The following PAM variants were observed in gnomAD, a reference collection of about 807,000 sequenced individuals.
The protein encoded by PAM is peptidylglycine alpha-amidating monooxygenase, also known as peptidyl-glycine alpha-amidating monooxygenase.
A neutral mutation model predicts 122.1 loss-of-function variants in PAM; 72 were observed. That is an observed-to-expected ratio of 0.59 (90% confidence interval 0.49 to 0.72). The LOEUF is 0.72. Ranked by LOEUF, PAM falls within the 30% of genes least tolerant of loss-of-function variation. PAM has a pLI of 0.00. For synonymous variants in PAM, 389 were observed against 404.4 expected (o/e 0.96, Z 0.46); for missense variants, 1,106 against 1,183.7 (o/e 0.93, Z 0.96).
At chr5:102,794,917 C>T (rs79516408) in intron 1 of PAM, among the ~76,000 whole-genome samples, 5 of 151,546 alleles carry the variant, frequency 3.3e-5, no homozygotes, top group East Asian at 2.0e-4. Flanking sequence ...GGGCCAGGTG[C>T]GGTGGCTCAC....
At position 102,867,343 on chromosome 5, in the gene PAM, T is replaced by C. The variant is rs200066052; in HGVS notation, c.160T>C (p.Ser54Pro). The part of the protein sequence containing the change: ...GTTRPVVPID[S>P]SDFALDIRMP... Reference sequence around the variant, plus strand: ...CACCAGACCCGTAGTTCCTATTGATTCATCAGATTTTGCATTGGATATTCG... The same window carrying C: ...CACCAGACCCGTAGTTCCTATTGATCCATCAGATTTTGCATTGGATATTCG... Residue 54 changes from serine to proline, a missense_variant, in exon 3 of 26, where the codon TCA (serine) becomes CCA (proline). Coordinates refer to ENST00000438793, the MANE Select transcript of PAM (RefSeq NM_001177306.2). 9.5e-5 allele frequency: 153 copies of C among 1,606,946 alleles called. No homozygotes were observed. Among genetic ancestry groups the C allele is most frequent in the Non-Finnish European group, 1.3e-4 (149 of 1,173,690 alleles).
chr5:102,992,056 G>A (rs1473786023), intron 16 of PAM, among the ~76,000 whole-genome samples: 2 of 152,076 alleles, frequency 1.3e-5, no homozygotes, highest in Non-Finnish European at 2.9e-5. Context: ...TAGAAAAAGG[G>A]ATCTGTGAAG....
intron 5 of PAM, among the ~76,000 whole-genome samples, chr5:102,914,539 T>G (rs1292352021): frequency 6.6e-6 from 1 of 152,084 alleles, no homozygotes; most frequent in Non-Finnish European, 1.5e-5. Flanking sequence ...ATATTAATTT[T>G]TTAAGGTTCA....
At chr5:102,820,099 A>G (rs1462562679) in intron 1 of PAM, among the ~76,000 whole-genome samples, 3 of 152,228 alleles carry the variant, frequency 2.0e-5, no homozygotes, top group African/African-American at 7.2e-5. Context: ...TAAAAAATTC[A>G]TGACTCCTTT....
intron 4 of PAM, among the ~76,000 whole-genome samples, chr5:102,905,515 T>C (rs1035029534): frequency 1.3e-5 from 2 of 151,722 alleles, no homozygotes; most frequent in African/African-American, 4.8e-5. Context: ...ATGACCTTTC[T>C]TAAAGCACAT....
chr5:102,926,845 A>G (rs971028299), intron 7 of PAM, among the ~76,000 whole-genome samples, 177 bp downstream of exon 7: 7 of 152,038 alleles, frequency 4.6e-5, no homozygotes, highest in African/African-American at 1.7e-4. Context: ...TTATTTTAGA[A>G]GTCATTTCTG....
At position 102,803,248 on chromosome 5, in the gene PAM, C is replaced by T. The variant is rs111856820; in HGVS notation, c.-374+47900C>T. Among the ~76,000 whole-genome samples the T allele has an allele frequency of 2.1e-3, 323 of 151,722 alleles. 1 individual carries two copies. The highest frequency in any genetic ancestry group is 7.3e-3 in the African/African-American group (304 of 41,376). On this transcript the variant is annotated intron_variant, in intron 1 of 25. Coordinates refer to ENST00000438793, the MANE Select transcript of PAM (RefSeq NM_001177306.2). ...AAGGAAGGAAGGGAAAAGTAATGCA[C>T]TCAACTTGAATCACCAAAGCAGTCA...
intron 4 of PAM, among the ~76,000 whole-genome samples, chr5:102,902,137 C>T (rs139485950): frequency 6.6e-6 from 1 of 151,710 alleles, no homozygotes; most frequent in African/African-American, 2.4e-5. Context: ...CATTTTAAAA[C>T]ATTTGAGATG....
At chr5:102,820,048 G>T (rs1454998679) in intron 1 of PAM, among the ~76,000 whole-genome samples, 2 of 151,904 alleles carry the variant, frequency 1.3e-5, no homozygotes, top group Admixed American at 6.6e-5. Flanking sequence ...TATCACTGTT[G>T]GTTTGCAATT....
intron 3 of PAM, among the ~76,000 whole-genome samples, chr5:102,870,720 G>T (rs1451029229): frequency 3.9e-5 from 6 of 152,192 alleles, no homozygotes; most frequent in African/African-American, 1.2e-4. Context: ...CCTTTGGGAA[G>T]ATTAGAGAGA....
At chr5:102,802,198 T>A (rs919837490) in intron 1 of PAM, among the ~76,000 whole-genome samples, 2 of 152,226 alleles carry the variant, frequency 1.3e-5, no homozygotes, top group Non-Finnish European at 2.9e-5. Context: ...TTGGGACTTA[T>A]AATCAAAATT....
intron 16 of PAM, among the ~76,000 whole-genome samples, chr5:103,001,543 T>G (rs1354809018): frequency 1.3e-5 from 2 of 152,144 alleles, no homozygotes; most frequent in Admixed American, 1.3e-4. Flanking sequence ...AGTTTTAGAT[T>G]GACAAAGCTG....
chr5:102,795,189 C>CAAAAAAAAAAAAAAAAAAA (rs33988105), intron 1 of PAM, among the ~76,000 whole-genome samples: 19 of 59,650 alleles, frequency 3.2e-4, no homozygotes, highest in East Asian at 2.0e-3. Flanking sequence ...GACAATGTCT[C>CAAAAAAAAAAAAAAAAAAA]AAAAAAAAAA....
intron 17 of PAM, 119 bp from the exon 18 acceptor site, chr5:103,005,035 C>A: frequency 3.2e-6 from 2 of 623,392 alleles, no homozygotes; most frequent in East Asian, 2.8e-5. Context: ...TATAATAATG[C>A]AAGTATACAT....
At chr5:102,779,959 C>A (rs1203061228) in intron 1 of PAM, among the ~76,000 whole-genome samples, 1 of 138,956 alleles carries the variant, frequency 7.2e-6, no homozygotes. Flanking sequence ...ATAGTTCTGA[C>A]CCTCCAGGGA....
At chr5:102,887,851 A>T (rs1276375540) in intron 3 of PAM, among the ~76,000 whole-genome samples, 1 of 151,664 alleles carries the variant, frequency 6.6e-6, no homozygotes, top group Admixed American at 6.6e-5. Flanking sequence ...CCTGGTAAAT[A>T]CCTTCTCATC....
intron 3 of PAM, among the ~76,000 whole-genome samples, chr5:102,881,129 T>TATACACACACACACACACACACACACAC (rs145380302): frequency 1.3e-3 from 188 of 145,794 alleles, no homozygotes; most frequent in African/African-American, 4.8e-3. Context: ...TTTTTATACA[T>TATACACACACACACACACACACACACAC]ACACACACAC....
intron 1 of PAM, among the ~76,000 whole-genome samples, chr5:102,783,715 T>A (rs139606946): frequency 6.6e-6 from 1 of 152,292 alleles, no homozygotes; most frequent in Non-Finnish European, 1.5e-5. Flanking sequence ...CCTTGGGATG[T>A]GCATGCAGCA....
intron 1 of PAM, among the ~76,000 whole-genome samples, chr5:102,826,614 A>G (rs1338253481): frequency 6.6e-6 from 1 of 152,172 alleles, no homozygotes; most frequent in East Asian, 1.9e-4. Context: ...ATCCATTTAG[A>G]GAGTCAGCTG....
Sources: gnomAD v4.1 joint callset for allele counts (sites outside exome capture counted in the v4.1 genomes callset) on GRCh38, gnomAD v4.1.1 for gene constraint, MANE v1.5 for transcripts, NCBI Gene and HGNC (gene_info 2026-07-23, HGNC 2026-07-21) for gene names.